MAGEB18: variants seen among roughly 807,000 people sequenced by gnomAD.
The protein encoded by MAGEB18 is melanoma-associated antigen B18.
In MAGEB18, 6 loss-of-function variants were observed where a neutral mutation model predicts 6.3. That is an observed-to-expected ratio of 0.95 (90% CI 0.52 to 1.87). MAGEB18 has a LOEUF of 1.87. Among genes scored for constraint, MAGEB18 ranks in the 40% most tolerant of loss-of-function variants. The pLI is 0.01. For missense variants in MAGEB18, 228 were observed against 265.4 expected (o/e 0.86, Z 0.98); for synonymous variants, 93 against 97.0 (o/e 0.96, Z 0.24).
At position 26,139,222 on chromosome X, in the gene MAGEB18, C is replaced by A. The variant is rs1286373579; in HGVS notation, c.237C>A (p.Cys79Ter). 1 of 1,211,253 alleles carries A rather than the reference C, an allele frequency of 8.3e-7. No homozygotes were observed. Among genetic ancestry groups the A allele is most frequent in the South Asian group, 1.8e-5 (1 of 56,877 alleles). ...STTNAIAPVS[C>*]SSNEGASSQD... ...CCAATGCTATTGCACCTGTTTCATG[C>A]AGTTCAAATGAAGGTGCCAGCAGCC... The change falls in exon 2 of 3, where the codon TGC becomes TGA. Residue 79 changes from cysteine to a stop codon, truncating the protein, a stop_gained. Transcript: ENST00000325250. LOFTEE classifies it high-confidence loss of function.
Position 26,140,187 on chromosome X carries a change from T to A in MAGEB18, c.*44T>A. The stretch of plus-strand genomic sequence containing the variant: ...TCTTTTTGTTTCCCCTAGGTTACAT[T>A]TCAAATGTTCAAGTCTGAAGATTGT... On this transcript the variant is annotated 3_prime_UTR_variant, in exon 3 of 3. Coordinates refer to ENST00000325250, the MANE Select transcript of MAGEB18 (RefSeq NM_173699.4). The A allele has an allele frequency of 2.2e-6, 1 of 457,941 alleles. No homozygotes were observed. The highest frequency in any genetic ancestry group is 3.6e-6 in the Non-Finnish European group (1 of 279,911). The allele number at this position is 457,941 out of a possible 1,213,427, so 37.7% of individuals were successfully genotyped here.
intron 2 of MAGEB18, 49 bp downstream of exon 2, chrX:26,140,102 T>TCTTTGC: frequency 1.2e-6 from 1 of 848,213 alleles, no homozygotes. Context: ...CTGGAAGAAA[T>TCTTTGC]AAGTGTATAT....
Position 26,139,879 on chromosome X carries a change from C to A in MAGEB18, c.894C>A (p.Ala298=). 8.3e-7 allele frequency: 1 copy of A among 1,210,140 alleles called. No homozygotes were observed. Among genetic ancestry groups the A allele is most frequent in the Non-Finnish European group, 1.1e-6 (1 of 894,616 alleles). ...VAKIHDTVPS[A]FPSCYEEALR... is the part of the protein sequence containing the mutation. ...AGATACATGATACCGTCCCTAGTGCCTTCCCATCCTGCTATGAAGAGGCTT... is the reference window on the plus strand; with the variant it reads ...AGATACATGATACCGTCCCTAGTGCATTCCCATCCTGCTATGAAGAGGCTT... The change falls in exon 2 of 3, where the codon GCC becomes GCA. Residue 298 remains alanine (A), a synonymous_variant. Coordinates refer to ENST00000325250, the MANE Select transcript of MAGEB18 (RefSeq NM_173699.4).
In MAGEB18 at chrX:26,139,781, C is replaced by T. The variant is rs201708200; in HGVS notation, c.796C>T (p.Arg266Cys). 60 of 1,209,999 alleles carry T rather than the reference C, an allele frequency of 5.0e-5. No individual in the cohort carries two copies. The highest frequency in any genetic ancestry group is 8.9e-5 in the East Asian group (3 of 33,735). Reference protein sequence around the residue: ...YQQVPNSDPPRYEFLWGPRAH... With the variant: ...YQQVPNSDPPCYEFLWGPRAH... ...GCAAGTGCCCAACAGTGATCCTCCA[C>T]GCTATGAATTCCTGTGGGGTCCAAG... The change falls in exon 2 of 3, where the codon CGC becomes TGC. Residue 266 changes from arginine to cysteine, a missense_variant. Arg to Cys is a radical substitution (Grantham distance 180). Transcript: ENST00000325250.
Position 26,139,489 on chromosome X carries a change from T to C in MAGEB18, c.504T>C (p.Asp168=). The C allele has an allele frequency of 8.3e-7, 1 of 1,208,089 alleles. No homozygotes were observed. Among genetic ancestry groups the C allele is most frequent in the Non-Finnish European group, 1.1e-6 (1 of 893,720 alleles). ...LALGVDLKEV[D]PIRHYYAFFS... ...TTGGTGTTGATTTGAAGGAAGTGGA[T>C]CCCATCAGGCACTACTATGCCTTTT... The change falls in exon 2 of 3, where the codon GAT becomes GAC. Residue 168 remains aspartate, a synonymous_variant. Transcript: ENST00000325250.
chrX:26,139,768 C>G lies in MAGEB18; in HGVS notation c.783C>G (p.Asn261Lys). The change falls in exon 2 of 3, where the codon AAC (asparagine) becomes AAG (lysine). Residue 261 changes from asparagine (N) to lysine (K), a missense_variant. Coordinates refer to ENST00000325250, the MANE Select transcript of MAGEB18 (RefSeq NM_173699.4). ...LKYLEYQQVP[N>K]SDPPRYEFLW... is the part of the protein sequence containing the mutation. Reference sequence around the variant, plus strand: ...ACCTGGAGTACCAGCAAGTGCCCAACAGTGATCCTCCACGCTATGAATTCC... The same window carrying G: ...ACCTGGAGTACCAGCAAGTGCCCAAGAGTGATCCTCCACGCTATGAATTCC... The G allele has an allele frequency of 8.3e-7, 1 of 1,211,903 alleles. No individual in the cohort carries two copies. The highest frequency in any genetic ancestry group is 1.1e-6 in the Non-Finnish European group (1 of 895,486).
intron 2 of MAGEB18, 51 bp from the exon 3 acceptor site, chrX:26,140,129 T>C: frequency 1.5e-6 from 1 of 660,816 alleles, no homozygotes; most frequent in Non-Finnish European, 2.2e-6. Flanking sequence ...TGCATTCCTA[T>C]TGTATATTGA....
rs768511090 is a variant in MAGEB18 at position 26,139,492 on chromosome X, C to T, written c.507C>T (p.Pro169=). Residue 169 remains proline (P), a synonymous_variant, in exon 2 of 3, where the codon CCC becomes CCT. Transcript: ENST00000325250. The stretch of plus-strand genomic sequence containing the variant: ...GTGTTGATTTGAAGGAAGTGGATCC[C>T]ATCAGGCACTACTATGCCTTTTTCA... ...ALGVDLKEVD[P]IRHYYAFFSK... is the part of the protein sequence containing the mutation. 1 of 1,208,224 alleles carries T rather than the reference C, an allele frequency of 8.3e-7. No individual in the cohort carries two copies. Among genetic ancestry groups the T allele is most frequent in the South Asian group, 1.8e-5 (1 of 56,186 alleles).
Position 26,139,161 on chromosome X carries a change from G to T in MAGEB18, c.176G>T (p.Ser59Ile), listed in dbSNP as rs1239608394. 5.0e-6 allele frequency: 6 copies of T among 1,210,942 alleles called. No homozygotes were observed. Among genetic ancestry groups the T allele is most frequent in the Admixed American group, 2.2e-5 (1 of 45,922 alleles). Residue 59 changes from serine to isoleucine, a missense_variant, in exon 2 of 3, where the codon AGC becomes ATC. Coordinates refer to ENST00000325250, the MANE Select transcript of MAGEB18 (RefSeq NM_173699.4). ...PQNLPAAETP[S>I]IPEALQGAPS... ...AATTTGCCTGCTGCTGAGACACCTA[G>T]CATCCCTGAAGCGCTTCAGGGAGCC...
chrX:26,139,830 T>C lies in MAGEB18; in HGVS notation c.845T>C (p.Met282Thr). The change falls in exon 2 of 3, where the codon ATG becomes ACG. Residue 282 changes from methionine (M) to threonine (T), a missense_variant. By Grantham distance (81) the Met-to-Thr change is moderately conservative. Coordinates refer to ENST00000325250, the MANE Select transcript of MAGEB18 (RefSeq NM_173699.4). ...GPRAHAETSK[M>T]KVLEFVAKIH... ...AGAGCTCACGCTGAAACTAGCAAGA[T>C]GAAAGTCCTGGAGTTTGTAGCCAAG... is the stretch of plus-strand genomic sequence containing the variant. 4 of 1,211,370 alleles carry C rather than the reference T, an allele frequency of 3.3e-6. No individual in the cohort carries two copies. Among genetic ancestry groups the C allele is most frequent in the Non-Finnish European group, 4.5e-6 (4 of 895,413 alleles).
At position 26,140,560 on chromosome X, in the gene MAGEB18, G is replaced by C. The variant is rs1450101594; in HGVS notation, c.*417G>C. 8.9e-6 allele frequency: 1 copy of C among 112,102 alleles called. No individual in the cohort carries two copies. Among genetic ancestry groups the C allele is most frequent in the Admixed American group, 9.5e-5 (1 of 10,555 alleles). The allele number at this position is 112,102 out of a possible 1,213,427, so 9.2% of individuals were successfully genotyped here. Reference sequence around the variant, plus strand: ...TGGAATAGGTATTTCCTTAAAAAATGTGAGATGATTTAGCAGTAAAATTTT... The same window carrying C: ...TGGAATAGGTATTTCCTTAAAAAATCTGAGATGATTTAGCAGTAAAATTTT... On this transcript the variant is annotated 3_prime_UTR_variant, in exon 3 of 3. Transcript: ENST00000325250.
rs956010521 is a variant in MAGEB18 at position 26,138,964 on chromosome X, G to T, written c.-22G>T. On this transcript the variant is annotated 5_prime_UTR_variant, in exon 2 of 3. Coordinates refer to ENST00000325250, the MANE Select transcript of MAGEB18 (RefSeq NM_173699.4). ...AATTCAACTGCCTGCACTATTGTCTGTAGTCCCTGACAAGAGTAATTATGC... is the reference window on the plus strand; with the variant it reads ...AATTCAACTGCCTGCACTATTGTCTTTAGTCCCTGACAAGAGTAATTATGC... 1 of 1,167,864 alleles carries T rather than the reference G, an allele frequency of 8.6e-7. No homozygotes were observed. Among genetic ancestry groups the T allele is most frequent in the Non-Finnish European group, 1.1e-6 (1 of 871,989 alleles).
rs142257338 is a variant in MAGEB18, at chrX:26,139,045, T to C, written c.60T>C (p.Cys20=). ...GTGAGAAACGCCACCAGGCTCGTTG[T>C]GAGAATCAGGATCTGGGAGCTACGC... ...RAREKRHQAR[C]ENQDLGATQA... The change falls in exon 2 of 3, where the codon TGT becomes TGC. Residue 20 remains cysteine (C), a synonymous_variant. Transcript: ENST00000325250. The C allele has an allele frequency of 9.1e-6, 11 of 1,208,151 alleles. No individual in the cohort carries two copies. The African/African-American group carries it at 1.8e-4, about 19-fold the overall frequency.
rs1307022875 is a variant in MAGEB18 at position 26,138,391 on chromosome X, T to G, written c.-139T>G. On this transcript the variant is annotated 5_prime_UTR_variant, in exon 1 of 3. Coordinates refer to ENST00000325250, the MANE Select transcript of MAGEB18 (RefSeq NM_173699.4). The stretch of plus-strand genomic sequence containing the variant: ...TTCTCTTGACCTATCTTCCACATCA[T>G]CAAGCTGTTACGGGCGAAACCTTGG... The G allele has an allele frequency of 8.9e-6, 1 of 112,146 alleles. No homozygotes were observed. Among genetic ancestry groups the G allele is most frequent in the South Asian group, 3.7e-4 (1 of 2,692 alleles). The allele number at this position is 112,146 out of a possible 1,213,427, so 9.2% of individuals were successfully genotyped here.
chrX:26,140,063 C>A lies in MAGEB18; in HGVS notation c.*36+10C>A, dbSNP rs1296474721. ...CTTTTTGGTCGAAAAGGTCTGTCAA[C>A]ATTCTAATAGTGGAGGGCCATGGTG... On this transcript the variant is annotated intron_variant, in intron 2 of 2. Coordinates refer to ENST00000325250, the MANE Select transcript of MAGEB18 (RefSeq NM_173699.4). The A allele has an allele frequency of 1.9e-6, 2 of 1,075,825 alleles. No homozygotes were observed. The highest frequency in any genetic ancestry group is 3.7e-5 in the African/African-American group (2 of 53,432). The allele number at this position is 1,075,825 out of a possible 1,213,427, so 88.7% of individuals were successfully genotyped here. A position where few individuals can be genotyped will look rare whatever the true frequency, so the allele number is the denominator to read the frequency against.
Position 26,139,555 on chromosome X carries a change from T to C in MAGEB18, c.570T>C (p.Asp190=), listed in dbSNP as rs1010241604. Residue 190 remains aspartate (D), a synonymous_variant, in exon 2 of 3, where the codon GAT becomes GAC. Coordinates refer to ENST00000325250, the MANE Select transcript of MAGEB18 (RefSeq NM_173699.4). ...TCACCTATGATGAAACAACCAGTGA[T>C]GAAGAAAAAATTCCCAAGACTGGCC... The part of the protein sequence containing the change: ...LDLTYDETTS[D]EEKIPKTGLL... 3.3e-6 allele frequency: 4 copies of C among 1,204,082 alleles called. No homozygotes were observed. Among genetic ancestry groups the C allele is most frequent in the Non-Finnish European group, 4.5e-6 (4 of 892,170 alleles).
At position 26,139,744 on chromosome X, in the gene MAGEB18, C is replaced by T. The variant is rs773087038; in HGVS notation, c.759C>T (p.Tyr253=). 12 of 1,209,838 alleles carry T rather than the reference C, an allele frequency of 9.9e-6. No homozygotes were observed. The Admixed American group carries it at 1.7e-4, about 18-fold the overall frequency. Residue 253 remains tyrosine (Y), a synonymous_variant, in exon 2 of 3, where the codon TAC becomes TAT. Coordinates refer to ENST00000325250, the MANE Select transcript of MAGEB18 (RefSeq NM_173699.4). ...CCAAAGATTTGGTGCAGCTAAAGTACCTGGAGTACCAGCAAGTGCCCAACA... is the reference window on the plus strand; with the variant it reads ...CCAAAGATTTGGTGCAGCTAAAGTATCTGGAGTACCAGCAAGTGCCCAACA... The part of the protein sequence containing the change: ...VMTKDLVQLK[Y]LEYQQVPNSD...
Position 26,138,784 on chromosome X carries a change from C to A in MAGEB18, c.-62-140C>A. ...TTAGAACTGATGTGACAACCCCCCA[C>A]AGAACAGTCCCACCCCGCTCCTGCC... is the stretch of plus-strand genomic sequence containing the variant. On this transcript the variant is annotated intron_variant, in intron 1 of 2. Coordinates refer to ENST00000325250, the MANE Select transcript of MAGEB18 (RefSeq NM_173699.4). 4 of 403,168 alleles carry A rather than the reference C, an allele frequency of 9.9e-6. No individual in the cohort carries two copies. The East Asian group carries it at 1.6e-4, about 16-fold the overall frequency. 33.2% of individuals were successfully genotyped at this position (403,168 alleles called of 1,213,427 possible). A position where few individuals can be genotyped will look rare whatever the true frequency, so the allele number is the denominator to read the frequency against.
Position 26,139,195 on chromosome X carries a change from C to T in MAGEB18, c.210C>T (p.Thr70=), listed in dbSNP as rs774433832. 2 of 1,208,711 alleles carry T rather than the reference C, an allele frequency of 1.7e-6. No individual in the cohort carries two copies. Among genetic ancestry groups the T allele is most frequent in the Non-Finnish European group, 1.1e-6 (1 of 894,922 alleles). Residue 70 remains threonine, a synonymous_variant, in exon 2 of 3, where the codon ACC becomes ACT. Coordinates refer to ENST00000325250, the MANE Select transcript of MAGEB18 (RefSeq NM_173699.4). The part of the protein sequence containing the change: ...IPEALQGAPS[T]TNAIAPVSCS... ...AAGCGCTTCAGGGAGCCCCATCCAC[C>T]ACCAATGCTATTGCACCTGTTTCAT...
Sources: gnomAD v4.1 joint callset for allele counts on GRCh38, gnomAD v4.1.1 for gene constraint, MANE v1.5 for transcripts, NCBI Gene and HGNC (gene_info 2026-07-23, HGNC 2026-07-21) for gene names.